The following NSMAF variants were observed in gnomAD, a reference collection of about 807,000 sequenced individuals.
NSMAF encodes neutral sphingomyelinase activation associated factor, also known as protein FAN.
In NSMAF, 90 loss-of-function variants were observed where a neutral mutation model predicts 134.9. That is an observed-to-expected ratio of 0.67 (90% CI 0.56 to 0.79). The LOEUF is 0.79. Among genes scored for constraint, NSMAF ranks in the 30% least tolerant of loss-of-function variants. The pLI is 0.00. For missense variants in NSMAF, 1,010 were observed against 1,119.0 expected (o/e 0.90, Z 1.39); for synonymous variants, 358 against 389.6 (o/e 0.92, Z 0.96).
chr8:58,633,171 C>T (rs1466628654), intron 5 of NSMAF, among the ~76,000 whole-genome samples: 1 of 152,218 alleles, frequency 6.6e-6, no homozygotes, highest in South Asian at 2.1e-4. Flanking sequence ...TAAGTCCTTA[C>T]CTTGGCCCAC....
At chr8:58,606,187 G>A (rs1294897026) in intron 11 of NSMAF, 152 bp from the exon 12 acceptor site, 1 of 630,842 alleles carries the variant, frequency 1.6e-6, no homozygotes, top group South Asian at 2.5e-5. Context: ...ATTTAACTCA[G>A]TGATATATAT....
intron 6 of NSMAF, among the ~76,000 whole-genome samples, chr8:58,624,200 C>G (rs1386394042): frequency 6.6e-6 from 1 of 151,970 alleles, no homozygotes; most frequent in Non-Finnish European, 1.5e-5. Context: ...CACCACCGCA[C>G]CCGGCTAATT....
chr8:58,615,615 C>CA (rs749293245), intron 9 of NSMAF, among the ~76,000 whole-genome samples: 30 of 152,084 alleles, frequency 2.0e-4, no homozygotes, highest in Non-Finnish European at 3.1e-4. Context: ...AAGAAAATTA[C>CA]AAAATATTTT....
At chr8:58,596,855 C>T (rs1035521101) in intron 21 of NSMAF, among the ~76,000 whole-genome samples, 6 of 149,994 alleles carry the variant, frequency 4.0e-5, no homozygotes, top group Admixed American at 2.0e-4. Context: ...GGCGTGAACC[C>T]GGGAGGCGGA....
intron 9 of NSMAF, among the ~76,000 whole-genome samples, chr8:58,618,079 CAT>C (rs1342204564): frequency 6.6e-6 from 1 of 152,156 alleles, no homozygotes; most frequent in African/African-American, 2.4e-5. Flanking sequence ...CCAAACACCA[CAT>C]GTCCTCACTC....
At chr8:58,645,445 T>C (rs566150264) in intron 1 of NSMAF, among the ~76,000 whole-genome samples, 36 of 152,232 alleles carry the variant, frequency 2.4e-4, no homozygotes, top group African/African-American at 8.2e-4. Context: ...TACATTAGTT[T>C]TGGAAAAAAC....
chr8:58,591,038 T>C, intron 23 of NSMAF, 104 bp from the exon 24 acceptor site: 2 of 1,306,766 alleles, frequency 1.5e-6, no homozygotes, highest in South Asian at 1.4e-5. Flanking sequence ...CAGTACACTT[T>C]ATACTCCAAA....
chr8:58,588,859 A>C, intron 26 of NSMAF: 1 of 705,538 alleles, frequency 1.4e-6, no homozygotes, highest in Non-Finnish European at 2.6e-6. Context: ...AGGGGCTGCT[A>C]CTATACATTT....
chr8:58,646,878 T>C (rs1436195111), intron 1 of NSMAF, among the ~76,000 whole-genome samples: 1 of 152,214 alleles, frequency 6.6e-6, no homozygotes, highest in Non-Finnish European at 1.5e-5. Flanking sequence ...TTTACAGAGG[T>C]GTGGTTTCAT....
intron 9 of NSMAF, among the ~76,000 whole-genome samples, chr8:58,612,871 T>C (rs1220446083): frequency 6.6e-6 from 1 of 152,110 alleles, no homozygotes; most frequent in Admixed American, 6.6e-5. Flanking sequence ...CCACATCGTA[T>C]ATAGGGAACA....
chr8:58,599,414 C>G (rs1329407027), intron 18 of NSMAF, 51 bp from the exon 19 acceptor site: 2 of 1,594,326 alleles, frequency 1.3e-6, no homozygotes, highest in Non-Finnish European at 1.7e-6. Context: ...TTTTTTTCCT[C>G]CCATTTCTCT....
chr8:58,600,639 A>AAAAAAAAAAAATAAAAT (rs1428887613), intron 16 of NSMAF, among the ~76,000 whole-genome samples: 1 of 150,588 alleles, frequency 6.6e-6, no homozygotes, highest in African/African-American at 2.4e-5. Flanking sequence ...AAAAAAAAAA[A>AAAAAAAAAAAATAAAAT]AAAAAAAGAT....
chr8:58,657,972 G>A (rs1481202935), intron 1 of NSMAF, among the ~76,000 whole-genome samples: 1 of 152,224 alleles, frequency 6.6e-6, no homozygotes, highest in African/African-American at 2.4e-5. Flanking sequence ...CCACGGAGCT[G>A]TATGAGCTAG....
Position 58,607,844 on chromosome 8 carries a change from T to C in NSMAF, c.688-4A>G, listed in dbSNP as rs1170642574. The stretch of plus-strand genomic sequence containing the variant: ...GTGTTATCTGGACCACAGGTTTCTT[T>C]AAAAGTAGAAAGACAATCTCAAACA... On this transcript the variant is annotated splice_region_variant and splice_polypyrimidine_tract_variant and intron_variant, in intron 10 of 30. Coordinates refer to ENST00000038176, the MANE Select transcript of NSMAF (RefSeq NM_003580.4). The C allele has an allele frequency of 6.2e-7, 1 of 1,612,318 alleles. No homozygotes were observed. The highest frequency in any genetic ancestry group is 2.2e-5 in the East Asian group (1 of 44,888).
rs751414183 is a variant in NSMAF, at chr8:58,603,302, T to C, written c.953A>G (p.His318Arg). ...GHLSNYQYLL[H>R]LNNLADRSCN... is the part of the protein sequence containing the mutation. ...GCTGCGGTCGGCCAGGTTGTTGAGGTGAAGGAGGTACTGATAGTTGGAAAG... is the reference window on the plus strand; with the variant it reads ...GCTGCGGTCGGCCAGGTTGTTGAGGCGAAGGAGGTACTGATAGTTGGAAAG... The change falls in exon 13 of 31, where the codon CAC (histidine) becomes CGC (arginine). Residue 318 changes from histidine (H) to arginine (R), a missense_variant. Coordinates refer to ENST00000038176, the MANE Select transcript of NSMAF (RefSeq NM_003580.4). 1.8e-5 allele frequency: 29 copies of C among 1,613,978 alleles called. No homozygotes were observed. The highest frequency in any genetic ancestry group is 2.4e-5 in the Non-Finnish European group (28 of 1,180,004).
At chr8:58,595,501 C>G in intron 22 of NSMAF, 59 bp downstream of exon 22, 1 of 1,217,376 alleles carries the variant, frequency 8.2e-7, no homozygotes, top group Non-Finnish European at 1.2e-6. Flanking sequence ...AATCCCATGC[C>G]AAGACCCTAA....
chr8:58,624,802 T>C (rs1389744225), intron 6 of NSMAF, among the ~76,000 whole-genome samples: 1 of 152,222 alleles, frequency 6.6e-6, no homozygotes, highest in Non-Finnish European at 1.5e-5. Flanking sequence ...TCCTTACTGA[T>C]GTCCTATCTG....
chr8:58,654,960 G>A (rs28686801), intron 1 of NSMAF, among the ~76,000 whole-genome samples: 12 of 151,856 alleles, frequency 7.9e-5, no homozygotes, highest in Non-Finnish European at 1.3e-4. Flanking sequence ...TCAGTCTCCC[G>A]AGTAGCTGGG....
chr8:58,595,028 A>T (rs902875126), intron 22 of NSMAF: 1 of 155,448 alleles, frequency 6.4e-6, no homozygotes, highest in Non-Finnish European at 1.4e-5. Context: ...CTACCAGAGA[A>T]CATGAAGGTC....
Sources: gnomAD v4.1 joint callset for allele counts (sites outside exome capture counted in the v4.1 genomes callset) on GRCh38, gnomAD v4.1.1 for gene constraint, MANE v1.5 for transcripts, NCBI Gene and HGNC (gene_info 2026-07-23, HGNC 2026-07-21) for gene names.